Variants in EYS observed in about 807,000 individuals in gnomAD.
EYS encodes EGF-like photoreceptor maintenance factor.
A neutral mutation model predicts 282.1 loss-of-function variants in EYS; 250 were observed. The observed-to-expected ratio is 0.89, with a 90% CI of 0.80 to 0.98. The LOEUF (loss-of-function observed/expected upper bound fraction) is 0.98, where lower values mean the gene tolerates loss of function less well. Among genes scored for constraint, EYS ranks in the 50% least tolerant of loss-of-function variants. EYS has a pLI of 0.00. For synonymous variants in EYS, 1,355 were observed against 1,282.9 expected, an observed-to-expected ratio of 1.06 and a Z score of -1.20; for missense variants, 4,016 against 3,709.0, an observed-to-expected ratio of 1.08 and a Z score of -2.15.
chr6:65,468,653 T>G (rs55838098), intron 5 of EYS, among the ~76,000 whole-genome samples: 1 of 151,966 alleles, frequency 6.6e-6, no homozygotes, highest in East Asian at 1.9e-4. Flanking sequence ...CGAACAAAAG[T>G]TACCTATTAA....
intron 12 of EYS, among the ~76,000 whole-genome samples, chr6:65,208,956 T>C (rs1352480192): frequency 2.6e-5 from 4 of 151,822 alleles, no homozygotes; most frequent in African/African-American, 7.2e-5. Context: ...GTAAGATATA[T>C]TACTCATAAT....
At chr6:65,168,659 T>G (rs1373033202) in intron 12 of EYS, among the ~76,000 whole-genome samples, 1 of 151,288 alleles carries the variant, frequency 6.6e-6, no homozygotes, top group Non-Finnish European at 1.5e-5. Flanking sequence ...CACAGAAATG[T>G]AGAGGGTACA....
intron 31 of EYS, among the ~76,000 whole-genome samples, chr6:64,215,596 A>C (rs1262775582): frequency 1.3e-5 from 2 of 152,154 alleles, no homozygotes; most frequent in Non-Finnish European, 2.9e-5. Flanking sequence ...CTAAATACCA[A>C]GGTATTTGCC....
intron 29 of EYS, among the ~76,000 whole-genome samples, chr6:64,310,982 G>A (rs1174742738): frequency 6.6e-6 from 1 of 151,880 alleles, no homozygotes; most frequent in Non-Finnish European, 1.5e-5. Flanking sequence ...AAAGGTTCTT[G>A]TTTTTATAAT....
At chr6:64,243,616 A>G (rs556534925) in intron 30 of EYS, among the ~76,000 whole-genome samples, 1 of 152,354 alleles carries the variant, frequency 6.6e-6, no homozygotes, top group South Asian at 2.1e-4. Flanking sequence ...ACTCACTGCA[A>G]GGGAGCACAG....
chr6:64,682,642 G>C (rs1007478918), intron 22 of EYS, among the ~76,000 whole-genome samples: 14 of 152,102 alleles, frequency 9.2e-5, no homozygotes, highest in African/African-American at 3.4e-4. Context: ...CAAGGGTAAG[G>C]AGTACTTTGC....
intron 2 of EYS, among the ~76,000 whole-genome samples, chr6:65,524,236 TTGTC>T (rs141914732): frequency 0.1 from 15,569 of 152,090 alleles, 1,120 homozygotes; most frequent in African/African-American, 0.19. Context: ...ACTCTCTTCT[TTGTC>T]TGTTTATTCA....
intron 34 of EYS, 83 bp downstream of exon 34, chr6:63,998,992 T>C: frequency 1.2e-6 from 1 of 823,506 alleles, no homozygotes; most frequent in South Asian, 1.6e-5. Flanking sequence ...AGAAATATGA[T>C]TACTGCTTAG....
At chr6:64,667,391 C>T (rs1002745445) in intron 22 of EYS, among the ~76,000 whole-genome samples, 5 of 151,924 alleles carry the variant, frequency 3.3e-5, no homozygotes, top group Admixed American at 3.3e-4. Context: ...GCCCCAGTGC[C>T]TCCTTGCAGC....
chr6:63,834,189 C>T (rs548621607), intron 36 of EYS, among the ~76,000 whole-genome samples: 18 of 152,146 alleles, frequency 1.2e-4, no homozygotes, highest in Non-Finnish European at 2.4e-4. Flanking sequence ...GCAATGGCAA[C>T]AGAAGCAAAA....
At chr6:64,580,040 G>C (rs114727902) in intron 26 of EYS, among the ~76,000 whole-genome samples, 2,415 of 152,092 alleles carry the variant, frequency 0.016, 60 homozygotes, top group African/African-American at 0.056. Context: ...TTAAGTCCCA[G>C]GGTGTTTTCC....
At chr6:65,103,466 A>C (rs1474613567) in intron 12 of EYS, among the ~76,000 whole-genome samples, 1 of 151,350 alleles carries the variant, frequency 6.6e-6, no homozygotes, top group African/African-American at 2.4e-5. Context: ...TTTCATTCAA[A>C]AATTACTATC....
chr6:65,491,298 C>CAG, intron 4 of EYS: 2 of 257,312 alleles, frequency 7.8e-6, no homozygotes, highest in South Asian at 9.0e-5. Flanking sequence ...CACACACACA[C>CAG]ACACACACAG....
At chr6:63,947,730 C>T (rs935837493) in intron 35 of EYS, among the ~76,000 whole-genome samples, 13 of 152,000 alleles carry the variant, frequency 8.6e-5, no homozygotes, top group African/African-American at 3.1e-4. Flanking sequence ...TTGTCCTAAT[C>T]GCATAATAAG....
At chr6:65,650,415 C>T (rs867833002) in intron 1 of EYS, among the ~76,000 whole-genome samples, 35 of 152,216 alleles carry the variant, frequency 2.3e-4, no homozygotes, top group African/African-American at 7.9e-4. Context: ...GCATGCCAGG[C>T]TGGGTTGTAA....
intron 31 of EYS, among the ~76,000 whole-genome samples, chr6:64,199,757 G>T (rs544221515): frequency 6.6e-6 from 1 of 152,018 alleles, no homozygotes; most frequent in Admixed American, 6.6e-5. Context: ...AATGAGCAAA[G>T]GATATATGAA....
At chr6:65,395,851 C>A (rs991153675) in intron 7 of EYS, among the ~76,000 whole-genome samples, 2 of 133,428 alleles carry the variant, frequency 1.5e-5, no homozygotes, top group Admixed American at 1.5e-4. Flanking sequence ...CCTTTGAACA[C>A]CCCCCATTTC....
Position 63,864,293 on chromosome 6 carries a change from C to T in EYS, c.7121G>A (p.Ser2374Asn). The T allele has an allele frequency of 6.4e-7, 1 of 1,551,650 alleles. No homozygotes were observed. The highest frequency in any genetic ancestry group is 1.2e-5 in the South Asian group (1 of 84,056). The change falls in exon 36 of 43, where the codon AGT becomes AAT. Residue 2374 changes from serine (S) to asparagine (N), a missense_variant. By Grantham distance (46) the Ser-to-Asn change is conservative (BLOSUM62 1). Coordinates refer to ENST00000503581, the MANE Select transcript of EYS (RefSeq NM_001142800.2). ...LYSGKLCQFA[S>N]CENNPCGNGA... ...ATTTCCACATGGGTTGTTTTCACAA[C>T]TTGCAAACTGGCACAGCTTGCCTGA...
chr6:63,838,095 A>C (rs545892442), intron 36 of EYS, among the ~76,000 whole-genome samples: 9 of 152,098 alleles, frequency 5.9e-5, no homozygotes, highest in Non-Finnish European at 1.2e-4. Flanking sequence ...ATATCCTCTT[A>C]ATGTCTGCAT....
Sources: gnomAD v4.1 joint callset for allele counts (sites outside exome capture counted in the v4.1 genomes callset) on GRCh38, gnomAD v4.1.1 for gene constraint, MANE v1.5 for transcripts, NCBI Gene and HGNC (gene_info 2026-07-23, HGNC 2026-07-21) for gene names.